CDO1: variants seen among roughly 807,000 people sequenced by gnomAD.
CDO1 encodes the protein cysteine dioxygenase type 1.
A neutral mutation model predicts 24.5 loss-of-function variants in CDO1; 19 were observed. That is an observed-to-expected ratio of 0.77 (90% CI 0.54 to 1.14). The LOEUF (loss-of-function observed/expected upper bound fraction) is 1.14. CDO1 is among the 50% of genes most tolerant of loss of function. The probability of loss-of-function intolerance (pLI) is 0.00; values close to 1 mark genes in which losing one functional copy is unlikely to be tolerated. For synonymous variants in CDO1, 91 were observed against 87.0 expected, an observed-to-expected ratio of 1.05 and a Z score of -0.26; for missense variants, 244 against 244.8, an observed-to-expected ratio of 1.00 and a Z score of 0.02.
intron 3 of CDO1, among the ~76,000 whole-genome samples, chr5:115,810,811 G>C (rs1342750419): frequency 6.6e-6 from 1 of 152,166 alleles, no homozygotes; most frequent in Non-Finnish European, 1.5e-5. Flanking sequence ...ATTAGTTACA[G>C]AACATTTTGT....
chr5:115,816,032 C>A (rs866062652), intron 1 of CDO1, among the ~76,000 whole-genome samples, 196 bp downstream of exon 1: 40 of 152,342 alleles, frequency 2.6e-4, no homozygotes, highest in African/African-American at 9.1e-4. Context: ...TAGGATCCAC[C>A]TTCCGCCTGC....
At chr5:115,808,964 T>A (rs1381982424) in intron 3 of CDO1, among the ~76,000 whole-genome samples, 1 of 152,198 alleles carries the variant, frequency 6.6e-6, no homozygotes, top group Non-Finnish European at 1.5e-5. Context: ...TTCTAGGTAA[T>A]TAGCGATGCT....
chr5:115,809,137 C>T (rs567988531), intron 3 of CDO1, among the ~76,000 whole-genome samples: 34 of 152,280 alleles, frequency 2.2e-4, no homozygotes, highest in African/African-American at 6.5e-4. Context: ...TGCAGGTCCA[C>T]GCATCATCTA....
intron 3 of CDO1, among the ~76,000 whole-genome samples, chr5:115,808,850 G>A (rs1760064481): frequency 6.6e-6 from 1 of 152,172 alleles, no homozygotes; most frequent in Non-Finnish European, 1.5e-5. Context: ...CATAACTAAT[G>A]TAGGCACCCC....
intron 3 of CDO1, among the ~76,000 whole-genome samples, chr5:115,810,418 A>G (rs1760137397): frequency 1.3e-5 from 2 of 152,168 alleles, no homozygotes; most frequent in African/African-American, 4.8e-5. Context: ...GCTGATGAAG[A>G]ACATAGGTTT....
chr5:115,805,510 G>T (rs200138561), intron 4 of CDO1, 48 bp from the exon 5 acceptor site: 43 of 1,578,348 alleles, frequency 2.7e-5, no homozygotes, highest in Middle Eastern at 1.7e-4. Context: ...CTTTACAAAA[G>T]ACATTTTAAC....
At chr5:115,809,226 C>A (rs927195003) in intron 3 of CDO1, among the ~76,000 whole-genome samples, 1 of 152,116 alleles carries the variant, frequency 6.6e-6, no homozygotes, top group Non-Finnish European at 1.5e-5. Flanking sequence ...TATTAATAAT[C>A]CAGGCATTAT....
intron 3 of CDO1, among the ~76,000 whole-genome samples, chr5:115,809,463 T>C (rs1454628098): frequency 6.6e-6 from 1 of 152,162 alleles, no homozygotes; most frequent in Admixed American, 6.5e-5. Context: ...TTCCCAATTA[T>C]AACTCTGCTG....
intron 3 of CDO1, among the ~76,000 whole-genome samples, chr5:115,808,380 C>A (rs1191966452): frequency 1.3e-5 from 2 of 152,074 alleles, no homozygotes. Flanking sequence ...CATAACCCAG[C>A]TAAATTATCA....
In CDO1 at chr5:115,806,655, G is replaced by A. The variant is rs927860445; in HGVS notation, c.404-137C>T. The A allele has an allele frequency of 9.1e-6, 6 of 659,796 alleles. No individual in the cohort carries two copies. The African/African-American group carries it at 1.1e-4, about 13-fold the overall frequency. The allele number at this position is 659,796 out of a possible 1,614,324, so 40.9% of individuals were successfully genotyped here. On this transcript the variant is annotated intron_variant, in intron 3 of 4. Transcript: ENST00000250535. ...GATATTAATTAGAATTGAACTTGCA[G>A]TTAAAGATAGTAAGTGACACGCATG... is the stretch of plus-strand genomic sequence containing the variant.
rs796686450 is a variant in CDO1 at position 115,807,677 on chromosome 5, GA to G, written c.404-1160del. ...AAAGACAGAAAATAGAAAAGAAAGA[GA>G]AAAAAAAAAAAGAGGAACAGTTCAA... On this transcript the variant is annotated intron_variant, in intron 3 of 4. Transcript: ENST00000250535. 4.4e-3 allele frequency among the ~76,000 whole-genome samples: 493 copies of G among 112,932 alleles called. 1 individual carries two copies. Among genetic ancestry groups the G allele is most frequent in the African/African-American group, 7.2e-3 (223 of 30,950 alleles). The allele number at this position is 112,932 out of a possible 152,430, so 74.1% of individuals were successfully genotyped here. A position where few individuals can be genotyped will look rare whatever the true frequency, so the allele number is the denominator to read the frequency against.
chr5:115,813,047 CAAAAAAAAAAAAAA>C (rs1011228490), intron 2 of CDO1, 120 bp downstream of exon 2: 4 of 152,748 alleles, frequency 2.6e-5, no homozygotes, highest in East Asian at 3.0e-4. Context: ...ACCACTGTCT[CAAAAAAAAAAAAAA>C]AAAAAAAAAA....
Position 115,806,404 on chromosome 5 carries a change from T to C in CDO1, c.518A>G (p.His173Arg), listed in dbSNP as rs1010683107. Residue 173 changes from histidine to arginine, a missense_variant, in exon 4 of 5, where the codon CAT (histidine) becomes CGT (arginine). By Grantham distance (29) the His-to-Arg change is conservative. Coordinates refer to ENST00000250535, the MANE Select transcript of CDO1 (RefSeq NM_001801.3). ...TCHAFDQRTG[H>R]KNKVTMTFHS... Reference sequence around the variant, plus strand: ...GAATGTCATTGTGACTTTGTTTTTATGTCCTGTTCTTTGATCAAAGGCATG... The same window carrying C: ...GAATGTCATTGTGACTTTGTTTTTACGTCCTGTTCTTTGATCAAAGGCATG... 3.1e-6 allele frequency: 5 copies of C among 1,610,070 alleles called. No individual in the cohort carries two copies. The highest frequency in any genetic ancestry group is 1.7e-4 in the Middle Eastern group (1 of 6,056).
At chr5:115,814,507 T>C (rs1021039341) in intron 1 of CDO1, 5 of 152,354 alleles carry the variant, frequency 3.3e-5, no homozygotes, top group Admixed American at 2.0e-4. Flanking sequence ...AAAAATACTG[T>C]AGAATTGACT....
intron 3 of CDO1, among the ~76,000 whole-genome samples, chr5:115,808,371 A>C (rs943461854): frequency 4.6e-5 from 7 of 152,214 alleles, no homozygotes. Context: ...GTGATAATCC[A>C]TAACCCAGCT....
In CDO1 at chr5:115,806,434, G is replaced by C. The variant is rs748221907; in HGVS notation, c.488C>G (p.Thr163Arg). 1.9e-6 allele frequency: 3 copies of C among 1,612,076 alleles called. No individual in the cohort carries two copies. Among genetic ancestry groups the C allele is most frequent in the Non-Finnish European group, 2.5e-6 (3 of 1,178,918 alleles). The change falls in exon 4 of 5, where the codon ACA becomes AGA. Residue 163 changes from threonine to arginine, a missense_variant. By Grantham distance (71) the Thr-to-Arg change is moderately conservative. Coordinates refer to ENST00000250535, the MANE Select transcript of CDO1 (RefSeq NM_001801.3). Reference protein sequence around the residue: ...SLHLYSPPFDTCHAFDQRTGH... With the variant: ...SLHLYSPPFDRCHAFDQRTGH... The stretch of plus-strand genomic sequence containing the variant: ...TGTTCTTTGATCAAAGGCATGGCAT[G>C]TATCAAAAGGTGGACTGTACAAGTG...
rs1270368514 is a variant in CDO1 at position 115,816,305 on chromosome 5, C to T, written c.93G>A (p.Glu31=). 3 of 1,614,088 alleles carry T rather than the reference C, an allele frequency of 1.9e-6. No homozygotes were observed. The highest frequency in any genetic ancestry group is 2.5e-6 in the Non-Finnish European group (3 of 1,180,050). ...AGGCTTCCATGATGGCCTGCACCTC[C>T]TCTACATTGACCTCATCGCCGGCAA... ...QLFAGDEVNV[E]EVQAIMEAYE... is the part of the protein sequence containing the mutation. Residue 31 remains glutamate (E), a synonymous_variant, in exon 1 of 5, where the codon GAG becomes GAA. Coordinates refer to ENST00000250535, the MANE Select transcript of CDO1 (RefSeq NM_001801.3).
In CDO1 at chr5:115,804,870, C is replaced by A. The variant is rs1759867657; in HGVS notation, c.*563G>T. ...GGGATCATGTACTTTTCTAAATCCTCTGCACTTCCTTTCATTAACAAATGG... is the reference window on the plus strand; with the variant it reads ...GGGATCATGTACTTTTCTAAATCCTATGCACTTCCTTTCATTAACAAATGG... On this transcript the variant is annotated 3_prime_UTR_variant, in exon 5 of 5. Coordinates refer to ENST00000250535, the MANE Select transcript of CDO1 (RefSeq NM_001801.3). 6.6e-6 allele frequency: 1 copy of A among 152,214 alleles called. No individual in the cohort carries two copies. The highest frequency in any genetic ancestry group is 2.1e-4 in the South Asian group (1 of 4,824). 9.4% of individuals were successfully genotyped at this position (152,214 alleles called of 1,614,324 possible).
intron 3 of CDO1, among the ~76,000 whole-genome samples, chr5:115,806,817 CT>C (rs1282417390): frequency 1.3e-5 from 2 of 152,120 alleles, no homozygotes; most frequent in Non-Finnish European, 2.9e-5. Flanking sequence ...AGATGGATAG[CT>C]TTACAGAGCA....
Sources: allele counts gnomAD v4.1 joint callset (sites outside exome capture counted in the v4.1 genomes callset), GRCh38; gene constraint gnomAD v4.1.1; transcripts MANE v1.5; gene names NCBI Gene and HGNC (gene_info 2026-07-23, HGNC 2026-07-21).